The following SVOPL variants were observed in gnomAD, a reference collection of about 807,000 sequenced individuals.
SVOPL encodes SVOP like, also known as putative transporter SVOPL.
In SVOPL, 60 loss-of-function variants were observed where a neutral mutation model predicts 61.0. That is an observed-to-expected ratio of 0.98 (90% CI 0.80 to 1.22). The LOEUF (loss-of-function observed/expected upper bound fraction) is 1.22, where lower values mean the gene tolerates loss of function less well. SVOPL is among the 50% of genes most tolerant of loss of function. The pLI, the probability that SVOPL is intolerant of heterozygous loss-of-function variation, is 0.00. For missense variants in SVOPL, 662 were observed against 643.9 expected (o/e 1.03, Z -0.30); for synonymous variants, 279 against 250.0 (o/e 1.12, Z -1.09).
intron 7 of SVOPL, 23 bp downstream of exon 7, chr7:138,656,425 G>A (rs1280248533): frequency 6.2e-7 from 1 of 1,612,992 alleles, no homozygotes; most frequent in Non-Finnish European, 8.5e-7. Flanking sequence ...CCAAAGGCAG[G>A]TAGAACTCCT....
At chr7:138,672,647 T>TG (rs1554473604) in intron 3 of SVOPL, among the ~76,000 whole-genome samples, 38 of 138,018 alleles carry the variant, frequency 2.8e-4, no homozygotes, top group African/African-American at 1.1e-3. Context: ...AAGTGTTTTT[T>TG]TTTGTGTTTA....
In SVOPL at chr7:138,689,713, C is replaced by G. The variant is rs34441028; in HGVS notation, c.-34-10634G>C. Among the ~76,000 whole-genome samples, 224 of 151,536 alleles carry G rather than the reference C, an allele frequency of 1.5e-3. 1 individual carries two copies. The highest frequency in any genetic ancestry group is 5.2e-3 in the African/African-American group (214 of 41,316). On this transcript the variant is annotated intron_variant, in intron 1 of 15. Transcript: ENST00000674285. ...CTCTACTAAAAATACAAAAATTAGC[C>G]GGGCACGGTGGCGCACACCTGTAAT...
chr7:138,615,560 C>CA (rs770404185), intron 14 of SVOPL, among the ~76,000 whole-genome samples: 267 of 5,508 alleles, frequency 0.048, 49 homozygotes, highest in African/African-American at 0.059. Flanking sequence ...ACTCCGTCTC[C>CA]AAAAAAAAAA....
In SVOPL at chr7:138,643,289, G is replaced by A. The variant is rs143725870; in HGVS notation, c.789+1428C>T. Among the ~76,000 whole-genome samples the A allele has an allele frequency of 2.4e-3, 358 of 152,142 alleles. 1 individual carries two copies. The highest frequency in any genetic ancestry group is 8.0e-3 in the African/African-American group (333 of 41,502). ...AAAATACAAAAATTAGCTGGGCATG[G>A]TGGCAGGCGCCTGTAGTCCCAGCTA... On this transcript the variant is annotated intron_variant, in intron 9 of 15. Transcript: ENST00000674285.
intron 1 of SVOPL, among the ~76,000 whole-genome samples, chr7:138,699,084 G>A (rs991707940): frequency 3.9e-5 from 6 of 152,260 alleles, no homozygotes; most frequent in Middle Eastern, 3.4e-3. Context: ...CCCAGGAGGC[G>A]GAGGTTGCAG....
chr7:138,687,424 T>C (rs1802843260), intron 1 of SVOPL, among the ~76,000 whole-genome samples: 1 of 151,500 alleles, frequency 6.6e-6, no homozygotes, highest in South Asian at 2.1e-4. Context: ...TTAGTGGAGA[T>C]GGGGTTTTGC....
At chr7:138,607,806 CAG>C (rs1798822474) in intron 14 of SVOPL, among the ~76,000 whole-genome samples, 2 of 152,126 alleles carry the variant, frequency 1.3e-5, no homozygotes, top group African/African-American at 4.8e-5. Context: ...TGGAAGCATT[CAG>C]CATCAAGGGA....
At chr7:138,631,911 C>A (rs1050771749) in intron 9 of SVOPL, among the ~76,000 whole-genome samples, 2 of 151,008 alleles carry the variant, frequency 1.3e-5, no homozygotes, top group African/African-American at 4.9e-5. Context: ...CCCATTTATC[C>A]CCCTGAAGTG....
Position 138,641,549 on chromosome 7 carries a change from T to C in SVOPL, c.789+3168A>G, listed in dbSNP as rs190993704. On this transcript the variant is annotated intron_variant, in intron 9 of 15. Transcript: ENST00000674285. ...AGCCAGCCATGATGGCAGGCGCCTG[T>C]AATCCCAGCTCCTCAGGAAGCTGAG... 4.3e-3 allele frequency among the ~76,000 whole-genome samples: 650 copies of C among 150,754 alleles called. 4 individuals carry two copies. Among genetic ancestry groups the C allele is most frequent in the African/African-American group, 0.015 (617 of 41,074 alleles).
rs755583210 is a variant in SVOPL, at chr7:138,649,029, GGAT to G, written c.640_642del (p.Ile214del). 5.0e-6 allele frequency: 8 copies of G among 1,613,798 alleles called. No homozygotes were observed. In the African/African-American group the frequency reaches 1.1e-4, roughly 22 times the overall value. On this transcript the variant is annotated inframe_deletion, in exon 8 of 16. Transcript: ENST00000674285. ...TTCCCCACCTTGAAGGCCACGATGA[GGAT>G]GATGCCCGGGATGGAGGCGACGCGA...
chr7:138,674,685 T>A (rs1381805446), intron 3 of SVOPL, among the ~76,000 whole-genome samples: 1 of 151,510 alleles, frequency 6.6e-6, no homozygotes, highest in Admixed American at 6.6e-5. Flanking sequence ...TGAAACCCTG[T>A]CTCTACTAAA....
chr7:138,664,185 G>GGCCC, intron 4 of SVOPL: 1 of 861,280 alleles, frequency 1.2e-6, no homozygotes, highest in Non-Finnish European at 1.4e-6. Context: ...ACCCTACCCT[G>GGCCC]CCCTCCCCCT....
At chr7:138,634,648 T>C (rs1318407604) in intron 9 of SVOPL, among the ~76,000 whole-genome samples, 2 of 145,080 alleles carry the variant, frequency 1.4e-5, no homozygotes, top group African/African-American at 5.1e-5. Flanking sequence ...ACCCTGTCTT[T>C]TAAAAAATCA....
intron 4 of SVOPL, chr7:138,663,701 TTTTA>T: frequency 1.5e-6 from 1 of 685,346 alleles, no homozygotes; most frequent in Non-Finnish European, 1.8e-6. Context: ...GACACTAGGG[TTTTA>T]TTTATTATAA....
At chr7:138,621,834 CTATCTATCTATG>C (rs1563095462) in intron 13 of SVOPL, among the ~76,000 whole-genome samples, 7 of 65,240 alleles carry the variant, frequency 1.1e-4, no homozygotes, top group African/African-American at 4.2e-4. Flanking sequence ...ATCTATGTAT[CTATCTATCTATG>C]TATCTATCTA....
Position 138,688,159 on chromosome 7 carries a change from T to C in SVOPL, c.-34-9080A>G, listed in dbSNP as rs149701349. The stretch of plus-strand genomic sequence containing the variant: ...AATAGACATGTCTACAAAGAAGATA[T>C]GCAAATGGCCAATGAGCACATGAAA... On this transcript the variant is annotated intron_variant, in intron 1 of 15. Transcript: ENST00000674285. Among the ~76,000 whole-genome samples the C allele has an allele frequency of 1.6e-3, 238 of 152,228 alleles. 2 individuals carry two copies. The highest frequency in any genetic ancestry group is 5.4e-3 in the African/African-American group (226 of 41,550).
In SVOPL at chr7:138,621,962, G is replaced by GTATCTATGTATC. The variant is rs1799612761; in HGVS notation, c.1264-828_1264-827insGATACATAGATA. Among the ~76,000 whole-genome samples the GTATCTATGTATC allele has an allele frequency of 3.8e-3, 8 of 2,126 alleles. 1 individual carries two copies. Among genetic ancestry groups the GTATCTATGTATC allele is most frequent in the Admixed American group, 0.021 (3 of 146 alleles). 1.4% of individuals were successfully genotyped at this position (2,126 alleles called of 152,430 possible). A position where few individuals can be genotyped will look rare whatever the true frequency, so the allele number is the denominator to read the frequency against. ...TCTATCTATGTATCTATCTATCTAT[G>GTATCTATGTATC]TATCTATCTATGTATCTATCTATCT... is the stretch of plus-strand genomic sequence containing the variant. On this transcript the variant is annotated intron_variant, in intron 13 of 15. Transcript: ENST00000674285.
chr7:138,662,608 C>A (rs953394381), intron 5 of SVOPL: 58 of 988,690 alleles, frequency 5.9e-5, no homozygotes, highest in Non-Finnish European at 6.7e-5. Flanking sequence ...TTCCATTCCC[C>A]TTATTAACTC....
At chr7:138,624,497 A>G (rs554675381) in intron 13 of SVOPL, among the ~76,000 whole-genome samples, 1 of 152,300 alleles carries the variant, frequency 6.6e-6, no homozygotes, top group South Asian at 2.1e-4. Context: ...ATCACAGCTC[A>G]AGAACAGTAC....
Sources: gnomAD v4.1 joint callset for allele counts (sites outside exome capture counted in the v4.1 genomes callset) on GRCh38, gnomAD v4.1.1 for gene constraint, MANE v1.5 for transcripts, NCBI Gene and HGNC (gene_info 2026-07-23, HGNC 2026-07-21) for gene names.